Variants in CADM2 observed in about 807,000 individuals in gnomAD.
CADM2 encodes cell adhesion molecule 2.
In CADM2, 12 loss-of-function variants were observed where a neutral mutation model predicts 49.8. The observed-to-expected ratio is 0.24, with a 90% CI of 0.15 to 0.39. The LOEUF is 0.39. CADM2 is among the 10% of genes least tolerant of loss of function. CADM2 has a pLI of 1.00. For synonymous variants in CADM2, 214 were observed against 175.4 expected (o/e 1.22, Z -1.74); for missense variants, 378 against 492.3 (o/e 0.77, Z 2.20).
At chr3:85,654,222 CAG>C (rs2065133586) in intron 1 of CADM2, among the ~76,000 whole-genome samples, 1 of 151,996 alleles carries the variant, frequency 6.6e-6, no homozygotes, top group Admixed American at 6.6e-5. Context: ...TATTTATCAA[CAG>C]AGAAAAAAGA....
intron 1 of CADM2, among the ~76,000 whole-genome samples, chr3:84,984,762 C>T (rs1319503823): frequency 6.6e-6 from 1 of 152,176 alleles, no homozygotes; most frequent in African/African-American, 2.4e-5. Context: ...CTACTCCACC[C>T]ATTCTCTAAG....
At chr3:85,083,727 A>T (rs759449919) in intron 1 of CADM2, among the ~76,000 whole-genome samples, 6 of 151,996 alleles carry the variant, frequency 3.9e-5, no homozygotes, top group Non-Finnish European at 8.8e-5. Flanking sequence ...CTCCTTGATC[A>T]TTTTTTTGTC....
chr3:85,981,501 C>T (rs1727483973), intron 8 of CADM2, among the ~76,000 whole-genome samples: 1 of 151,508 alleles, frequency 6.6e-6, no homozygotes, highest in Admixed American at 6.6e-5. Flanking sequence ...GATCCTCACC[C>T]TCCTGGACCC....
At chr3:85,315,432 C>A (rs1400916704) in intron 1 of CADM2, among the ~76,000 whole-genome samples, 1 of 151,642 alleles carries the variant, frequency 6.6e-6, no homozygotes, top group African/African-American at 2.4e-5. Context: ...ATTAGAAAAC[C>A]CAGTATAAGA....
chr3:85,834,789 T>A (rs1184380379), intron 3 of CADM2, among the ~76,000 whole-genome samples: 1 of 151,198 alleles, frequency 6.6e-6, no homozygotes, highest in Non-Finnish European at 1.5e-5. Context: ...AGAATAAGCA[T>A]TCATCAGGAG....
rs116142243 is a variant in CADM2, at chr3:85,063,924, A to G, written c.61+104256A>G. Among the ~76,000 whole-genome samples, 582 of 152,214 alleles carry G rather than the reference A, an allele frequency of 3.8e-3. 5 individuals are homozygous for G. Among genetic ancestry groups the G allele is most frequent in the African/African-American group, 0.013 (558 of 41,572 alleles). ...GGGTGTTAGAATTAATTCTGCCACA[A>G]ATATATTTAGTAATTTCAGGTCCCC... On this transcript the variant is annotated intron_variant, in intron 1 of 9. Transcript: ENST00000383699.
intron 1 of CADM2, among the ~76,000 whole-genome samples, chr3:84,972,420 T>C (rs987169052): frequency 3.3e-5 from 5 of 152,216 alleles, no homozygotes; most frequent in Non-Finnish European, 7.4e-5. Flanking sequence ...AGATTTTTTA[T>C]TGTGATATAT....
At chr3:85,564,067 T>A (rs1034800384) in intron 1 of CADM2, among the ~76,000 whole-genome samples, 1 of 152,118 alleles carries the variant, frequency 6.6e-6, no homozygotes, top group Non-Finnish European at 1.5e-5. Flanking sequence ...CAGGACTGGG[T>A]GTCAGTTGTC....
intron 1 of CADM2, among the ~76,000 whole-genome samples, chr3:85,548,844 G>T (rs145641232): frequency 2.0e-5 from 3 of 152,192 alleles, no homozygotes; most frequent in African/African-American, 4.8e-5. Context: ...AAGGAGAAAG[G>T]TGTCTAATAA....
intron 1 of CADM2, among the ~76,000 whole-genome samples, chr3:85,061,536 T>C (rs565950284): frequency 1.7e-4 from 26 of 152,274 alleles, no homozygotes; most frequent in Non-Finnish European, 3.4e-4. Flanking sequence ...TTCCTAACTA[T>C]CCTATTTCCT....
chr3:85,945,777 C>T (rs920143950), intron 7 of CADM2, among the ~76,000 whole-genome samples: 12 of 151,992 alleles, frequency 7.9e-5, no homozygotes, highest in Non-Finnish European at 1.6e-4. Flanking sequence ...TGGGACGTAT[C>T]TCAAAATAAT....
At chr3:85,480,026 C>T (rs1191667121) in intron 1 of CADM2, among the ~76,000 whole-genome samples, 1 of 151,312 alleles carries the variant, frequency 6.6e-6, no homozygotes, top group Non-Finnish European at 1.5e-5. Flanking sequence ...CTGTGTAGGC[C>T]GTATAACTTT....
At chr3:85,949,082 G>A (rs1055577951) in intron 7 of CADM2, among the ~76,000 whole-genome samples, 2 of 151,344 alleles carry the variant, frequency 1.3e-5, no homozygotes, top group Non-Finnish European at 3.0e-5. Context: ...CAGCAATGAA[G>A]CTCAGGGACA....
intron 8 of CADM2, among the ~76,000 whole-genome samples, chr3:86,022,009 G>A (rs567026867): frequency 6.6e-6 from 1 of 152,128 alleles, no homozygotes; most frequent in East Asian, 1.9e-4. Flanking sequence ...AAAGGTAACT[G>A]AAATAATGCA....
intron 8 of CADM2, among the ~76,000 whole-genome samples, chr3:86,039,639 T>C (rs1735601163): frequency 6.6e-6 from 1 of 152,138 alleles, no homozygotes; most frequent in African/African-American, 2.4e-5. Flanking sequence ...CTGGCTTCTG[T>C]AGAATCCACC....
intron 1 of CADM2, among the ~76,000 whole-genome samples, chr3:85,547,659 G>T (rs1446079573): frequency 6.6e-6 from 1 of 152,158 alleles, no homozygotes; most frequent in Non-Finnish European, 1.5e-5. Context: ...AGGAGTCACT[G>T]TAACACATGT....
At chr3:85,321,814 T>C (rs1256069369) in intron 1 of CADM2, among the ~76,000 whole-genome samples, 1 of 152,200 alleles carries the variant, frequency 6.6e-6, no homozygotes, top group Non-Finnish European at 1.5e-5. Flanking sequence ...ACAAACATCT[T>C]TAATTTTAGA....
At chr3:85,596,168 T>C (rs1039660851) in intron 1 of CADM2, among the ~76,000 whole-genome samples, 3 of 151,878 alleles carry the variant, frequency 2.0e-5, no homozygotes, top group African/African-American at 7.2e-5. Context: ...TATTTTATTT[T>C]ATTACTTTAT....
At chr3:85,959,091 T>TAG (rs1351131594) in intron 7 of CADM2, among the ~76,000 whole-genome samples, 1 of 151,186 alleles carries the variant, frequency 6.6e-6, no homozygotes, top group Non-Finnish European at 1.5e-5. Context: ...TATATCTATA[T>TAG]CTTTATATCT....
Sources: gnomAD v4.1 joint callset for allele counts (sites outside exome capture counted in the v4.1 genomes callset) on GRCh38, gnomAD v4.1.1 for gene constraint, MANE v1.5 for transcripts, NCBI Gene and HGNC (gene_info 2026-07-23, HGNC 2026-07-21) for gene names.